Variants in CCDC73 observed in about 807,000 individuals in gnomAD.
CCDC73 encodes coiled-coil domain-containing protein 73.
CCDC73 carries 95 observed loss-of-function variants against 116.5 expected under a neutral mutation model. The ratio of observed to expected loss-of-function variants is 0.82; its 90% confidence interval spans 0.69 to 0.97. The LOEUF is 0.97. Among genes scored for constraint, CCDC73 ranks in the 50% least tolerant of loss-of-function variants. The pLI, the probability that CCDC73 is intolerant of heterozygous loss-of-function variation, is 0.00. For missense variants in CCDC73, 1,066 were observed against 1,206.8 expected, an observed-to-expected ratio of 0.88 and a Z score of 1.73; for synonymous variants, 398 against 401.3, an observed-to-expected ratio of 0.99 and a Z score of 0.10.
intron 15 of CCDC73, among the ~76,000 whole-genome samples, 179 bp from the exon 16 acceptor site, chr11:32,615,121 A>AT (rs1378981726): frequency 2.6e-5 from 4 of 152,124 alleles, no homozygotes; most frequent in Non-Finnish European, 4.4e-5. Flanking sequence ...TTATTGTATC[A>AT]AATATATCTT....
chr11:32,757,372 A>T (rs956860510), intron 2 of CCDC73, among the ~76,000 whole-genome samples: 3 of 152,210 alleles, frequency 2.0e-5, no homozygotes, highest in African/African-American at 7.2e-5. Flanking sequence ...TTAATAATAT[A>T]CATACTGAAG....
At chr11:32,758,663 T>C in intron 2 of CCDC73, 1 of 262,578 alleles carries the variant, frequency 3.8e-6, no homozygotes, top group Non-Finnish European at 7.8e-6. Context: ...AAAACGCTAT[T>C]CCTTTTCTAA....
At chr11:32,693,290 A>C (rs918827359) in intron 6 of CCDC73, among the ~76,000 whole-genome samples, 1 of 152,232 alleles carries the variant, frequency 6.6e-6, no homozygotes, top group African/African-American at 2.4e-5. Context: ...TTCCTTGCCT[A>C]GTGGATTTAT....
the CCDC73 span, among the ~76,000 whole-genome samples, chr11:32,803,413 A>G: frequency 6.6e-6 from 1 of 152,112 alleles, no homozygotes; most frequent in South Asian, 2.1e-4. Flanking sequence ...AATTTTTGAT[A>G]CTAGTTTGTC....
chr11:32,733,652 C>T (rs1156778788), intron 2 of CCDC73, among the ~76,000 whole-genome samples: 1 of 152,164 alleles, frequency 6.6e-6, no homozygotes, highest in East Asian at 1.9e-4. Context: ...AACTGAACAA[C>T]CTGCTCCTGA....
intron 2 of CCDC73, among the ~76,000 whole-genome samples, chr11:32,719,178 T>C (rs564421250): frequency 4.6e-5 from 7 of 152,330 alleles, no homozygotes; most frequent in African/African-American, 1.4e-4. Context: ...TTGTTTGAAA[T>C]AATGTAATAC....
chr11:32,635,583 T>C, intron 14 of CCDC73, 113 bp downstream of exon 14: 1 of 966,502 alleles, frequency 1.0e-6, no homozygotes, highest in Non-Finnish European at 1.3e-6. Flanking sequence ...ACCATATGCA[T>C]ATACTCATTT....
At chr11:32,776,362 TTC>T (rs1387104317) in intron 1 of CCDC73, among the ~76,000 whole-genome samples, 1 of 152,064 alleles carries the variant, frequency 6.6e-6, no homozygotes, top group African/African-American at 2.4e-5. Context: ...ACTCAAAGAG[TTC>T]TTTTTGTATA....
chr11:32,614,072 C>T lies in CCDC73; in HGVS notation c.2246G>A (p.Cys749Tyr). 6.2e-7 allele frequency: 1 copy of T among 1,613,242 alleles called. No homozygotes were observed. The highest frequency in any genetic ancestry group is 8.5e-7 in the Non-Finnish European group (1 of 1,179,890). The change falls in exon 16 of 18, where the codon TGT becomes TAT. Residue 749 changes from cysteine (C) to tyrosine (Y), a missense_variant. Coordinates refer to ENST00000335185, the MANE Select transcript of CCDC73 (RefSeq NM_001008391.4). ...GTTTTGCATATCACTCATATTTTTA[C>T]ACATAGTTTTTCCCCCAGGGCTTGA... ...PNSSPGGKTM[C>Y]KNMSDMQNSQ... is the part of the protein sequence containing the mutation.
At chr11:32,733,455 A>G (rs573078340) in intron 2 of CCDC73, among the ~76,000 whole-genome samples, 1 of 152,312 alleles carries the variant, frequency 6.6e-6, no homozygotes, top group African/African-American at 2.4e-5. Flanking sequence ...CCCCAAATCG[A>G]CATAATATAC....
chr11:32,818,537 G>A, the CCDC73 span, among the ~76,000 whole-genome samples: 8 of 152,162 alleles, frequency 5.3e-5, no homozygotes, highest in Admixed American at 5.2e-4. Context: ...CATATGGCCT[G>A]GCAGTTCCAC....
chr11:32,830,120 C>G, the CCDC73 span: 1,241 of 996,330 alleles, frequency 1.2e-3, 2 homozygotes, highest in Non-Finnish European at 1.5e-3. Flanking sequence ...AAGGAACCGC[C>G]CCAAGAAGAG....
At chr11:32,749,883 T>G (rs1850272093) in intron 2 of CCDC73, among the ~76,000 whole-genome samples, 1 of 151,864 alleles carries the variant, frequency 6.6e-6, no homozygotes, top group African/African-American at 2.4e-5. Flanking sequence ...TTTTCTTTTT[T>G]TTTTTGAGAC....
intron 3 of CCDC73, among the ~76,000 whole-genome samples, chr11:32,713,110 G>C (rs1849916258): frequency 6.6e-6 from 1 of 152,004 alleles, no homozygotes; most frequent in South Asian, 2.1e-4. Context: ...AGATTTATTA[G>C]AAACTCCCCC....
At chr11:32,613,381 A>G (rs781251660) in intron 16 of CCDC73, 41 bp downstream of exon 16, 2 of 1,498,758 alleles carry the variant, frequency 1.3e-6, no homozygotes, top group South Asian at 2.6e-5. Context: ...GAATAAGTAG[A>G]AAAATATTTT....
In CCDC73 at chr11:32,657,956, C is replaced by T. The variant is rs374383835; in HGVS notation, c.646-2984G>A. On this transcript the variant is annotated intron_variant, in intron 9 of 17. Coordinates refer to ENST00000335185, the MANE Select transcript of CCDC73 (RefSeq NM_001008391.4). ...TCAAAGCTGCAGTGACCGATAATTGCGCCACAGTGACCCCCCACCGCCCCC... is the reference window on the plus strand; with the variant it reads ...TCAAAGCTGCAGTGACCGATAATTGTGCCACAGTGACCCCCCACCGCCCCC... 2.0e-4 allele frequency among the ~76,000 whole-genome samples: 30 copies of T among 151,570 alleles called. No homozygotes were observed. In the East Asian group the frequency reaches 3.7e-3, roughly 19 times the overall value.
rs570332331 is a variant in CCDC73, at chr11:32,722,884, A to G, written c.136-4737T>C. On this transcript the variant is annotated intron_variant, in intron 2 of 17. Coordinates refer to ENST00000335185, the MANE Select transcript of CCDC73 (RefSeq NM_001008391.4). The stretch of plus-strand genomic sequence containing the variant: ...TTCTCTTACTATTGCCATTTTATAC[A>G]TAAGGAACCTGAGATAGCAAGAGGG... Among the ~76,000 whole-genome samples the G allele has an allele frequency of 6.6e-5, 10 of 152,318 alleles. No individual in the cohort carries two copies. In the South Asian group the frequency reaches 2.1e-3, roughly 32 times the overall value.
chr11:32,686,823 A>T (rs1856206299), intron 6 of CCDC73, among the ~76,000 whole-genome samples: 1 of 152,184 alleles, frequency 6.6e-6, no homozygotes, highest in Non-Finnish European at 1.5e-5. Flanking sequence ...AATTGGATTG[A>T]CATGTAGTGT....
intron 12 of CCDC73, among the ~76,000 whole-genome samples, chr11:32,651,569 C>A (rs910498614): frequency 2.0e-5 from 3 of 152,200 alleles, no homozygotes; most frequent in Admixed American, 6.5e-5. Flanking sequence ...AGAACCAGTC[C>A]TGGGAGGTAG....
Sources: gnomAD v4.1 joint callset for allele counts (sites outside exome capture counted in the v4.1 genomes callset) on GRCh38, gnomAD v4.1.1 for gene constraint, MANE v1.5 for transcripts, NCBI Gene and HGNC (gene_info 2026-07-23, HGNC 2026-07-21) for gene names.